The following MCTP1 variants were observed in gnomAD, a reference collection of about 807,000 sequenced individuals.
MCTP1 encodes multiple C2 and transmembrane domain-containing protein 1.
MCTP1 carries 69 observed loss-of-function variants against 120.6 expected under a neutral mutation model. The ratio of observed to expected loss-of-function variants is 0.57; its 90% confidence interval spans 0.47 to 0.70. MCTP1 has a LOEUF of 0.70. Ranked by LOEUF, MCTP1 falls within the 30% of genes least tolerant of loss-of-function variation. The pLI, the probability that MCTP1 is intolerant of heterozygous loss-of-function variation, is 0.00. For missense variants in MCTP1, 1,203 were observed against 1,248.8 expected, an observed-to-expected ratio of 0.96 and a Z score of 0.55; for synonymous variants, 529 against 493.1, an observed-to-expected ratio of 1.07 and a Z score of -0.96.
chr5:94,953,102 G>A (rs1465007986), intron 3 of MCTP1, 117 bp downstream of exon 3: 21 of 885,540 alleles, frequency 2.4e-5, no homozygotes, highest in South Asian at 4.3e-5. Context: ...TTAGAGTGGC[G>A]AAGAGCAGAA....
intron 11 of MCTP1, among the ~76,000 whole-genome samples, chr5:94,891,994 C>T (rs1441467576): frequency 6.6e-6 from 1 of 151,906 alleles, no homozygotes; most frequent in Non-Finnish European, 1.5e-5. Flanking sequence ...GAGGAGTCCT[C>T]TTTATTTTTT....
chr5:94,817,998 T>G (rs1784843745), intron 17 of MCTP1, among the ~76,000 whole-genome samples: 1 of 152,226 alleles, frequency 6.6e-6, no homozygotes, highest in East Asian at 1.9e-4. Flanking sequence ...CTGGTTATAC[T>G]AATCGGTTCA....
At chr5:94,752,885 G>A (rs980518675) in intron 19 of MCTP1, among the ~76,000 whole-genome samples, 9 of 152,180 alleles carry the variant, frequency 5.9e-5, no homozygotes, top group Admixed American at 1.3e-4. Context: ...TGGGATTTAT[G>A]GTCATCTGAA....
intron 1 of MCTP1, among the ~76,000 whole-genome samples, chr5:95,282,874 T>A (rs1404360582): frequency 6.6e-6 from 1 of 152,248 alleles, no homozygotes; most frequent in Non-Finnish European, 1.5e-5. Context: ...GCTGAGCTTT[T>A]AATCTACTAA....
intron 10 of MCTP1, among the ~76,000 whole-genome samples, chr5:94,908,339 A>G (rs576961322): frequency 1.3e-5 from 2 of 152,136 alleles, no homozygotes; most frequent in South Asian, 4.1e-4. Flanking sequence ...ATATAATCCT[A>G]TGAAGAAAAT....
At chr5:94,825,301 G>A (rs538315673) in intron 17 of MCTP1, among the ~76,000 whole-genome samples, 4 of 152,278 alleles carry the variant, frequency 2.6e-5, no homozygotes, top group African/African-American at 9.6e-5. Flanking sequence ...TATTTACTCA[G>A]TAGTCACTCA....
At chr5:94,807,228 C>T (rs1415938604) in intron 17 of MCTP1, among the ~76,000 whole-genome samples, 2 of 152,060 alleles carry the variant, frequency 1.3e-5, no homozygotes, top group East Asian at 1.9e-4. Flanking sequence ...GTGAGAGAGA[C>T]CTCAAATTAG....
At chr5:95,142,119 T>G (rs1409355458) in intron 1 of MCTP1, among the ~76,000 whole-genome samples, 3 of 152,220 alleles carry the variant, frequency 2.0e-5, no homozygotes, top group Non-Finnish European at 4.4e-5. Flanking sequence ...ACTATTTCTT[T>G]TTATTATATA....
chr5:95,011,587 TAA>T (rs1378954290), intron 2 of MCTP1, among the ~76,000 whole-genome samples: 1 of 151,410 alleles, frequency 6.6e-6, no homozygotes, highest in East Asian at 2.0e-4. Flanking sequence ...TCTGATGGTT[TAA>T]AAGTGTGTGG....
chr5:94,721,844 GT>G (rs11423883), intron 19 of MCTP1, among the ~76,000 whole-genome samples: 65,146 of 134,918 alleles, frequency 0.48, 15,110 homozygotes, highest in African/African-American at 0.51. Flanking sequence ...ACACTGTTTT[GT>G]TTTTTTTTTT....
intron 1 of MCTP1, among the ~76,000 whole-genome samples, chr5:95,232,870 A>C (rs1383738804): frequency 1.3e-5 from 2 of 152,226 alleles, no homozygotes; most frequent in Non-Finnish European, 2.9e-5. Context: ...GGAAAATGAA[A>C]GTTATTTCAA....
intron 19 of MCTP1, among the ~76,000 whole-genome samples, chr5:94,777,170 A>C (rs1775552930): frequency 6.6e-6 from 1 of 152,220 alleles, no homozygotes; most frequent in African/African-American, 2.4e-5. Context: ...ACAGAAGAAT[A>C]CAGTTGAATT....
chr5:95,229,258 A>C (rs2152641452), intron 1 of MCTP1, among the ~76,000 whole-genome samples: 1 of 152,244 alleles, frequency 6.6e-6, no homozygotes, highest in Middle Eastern at 3.4e-3. Flanking sequence ...AGCCACTGAA[A>C]ATTTTTCAGC....
At position 94,833,123 on chromosome 5, in the gene MCTP1, G is replaced by C. The variant is rs544597518; in HGVS notation, c.2437-33991C>G. Among the ~76,000 whole-genome samples the C allele has an allele frequency of 6.2e-4, 94 of 152,012 alleles. 2 individuals carry two copies. Among genetic ancestry groups the C allele is most frequent in the African/African-American group, 2.2e-3 (90 of 41,490 alleles). On this transcript the variant is annotated intron_variant, in intron 17 of 22. Coordinates refer to ENST00000515393, the MANE Select transcript of MCTP1 (RefSeq NM_024717.7). ...ACGCATCTGAAAAAAATAAGCAAAA[G>C]AACACTGGTGGACAATTTTTTAAAG... is the stretch of plus-strand genomic sequence containing the variant.
At chr5:95,150,372 C>A (rs944859744) in intron 1 of MCTP1, among the ~76,000 whole-genome samples, 1 of 152,274 alleles carries the variant, frequency 6.6e-6, no homozygotes, top group Non-Finnish European at 1.5e-5. Flanking sequence ...GCAGAACAAA[C>A]CTCTTTCTAA....
At chr5:94,743,631 A>ATTTTTTTTTTTTTTTTTTTTT (rs34620641) in intron 19 of MCTP1, among the ~76,000 whole-genome samples, 1 of 86,664 alleles carries the variant, frequency 1.2e-5, no homozygotes. Flanking sequence ...CAAAATCCAC[A>ATTTTTTTTTTTTTTTTTTTTT]TTTTTTTTTT....
chr5:95,050,436 G>C (rs1206759166), intron 1 of MCTP1, among the ~76,000 whole-genome samples: 1 of 152,112 alleles, frequency 6.6e-6, no homozygotes, highest in Non-Finnish European at 1.5e-5. Context: ...TATCTGCCTG[G>C]ATGGGGCTGT....
chr5:94,933,150 T>C (rs534033133), intron 5 of MCTP1, among the ~76,000 whole-genome samples: 2 of 152,000 alleles, frequency 1.3e-5, no homozygotes, highest in African/African-American at 4.8e-5. Context: ...AAAAGAATAA[T>C]AGATTTCCTA....
At chr5:94,753,202 G>A (rs2152812296) in intron 19 of MCTP1, among the ~76,000 whole-genome samples, 1 of 152,310 alleles carries the variant, frequency 6.6e-6, no homozygotes, top group African/African-American at 2.4e-5. Flanking sequence ...CTTATGAAAT[G>A]TAAAGGATTG....
Sources: allele counts gnomAD v4.1 joint callset (sites outside exome capture counted in the v4.1 genomes callset), GRCh38; gene constraint gnomAD v4.1.1; transcripts MANE v1.5; gene names NCBI Gene and HGNC (gene_info 2026-07-23, HGNC 2026-07-21).